The following TENM4 variants were observed in gnomAD, a reference collection of about 807,000 sequenced individuals.
TENM4 encodes the protein teneurin-4.
A neutral mutation model predicts 243.3 loss-of-function variants in TENM4; 82 were observed. That is an observed-to-expected ratio of 0.34 (90% CI 0.28 to 0.40). The LOEUF (loss-of-function observed/expected upper bound fraction) is 0.40. Ranked by LOEUF, TENM4 falls within the 10% of genes least tolerant of loss-of-function variation. The pLI is 1.00. For synonymous variants in TENM4, 1,412 were observed against 1,456.3 expected, an observed-to-expected ratio of 0.97 and a Z score of 0.69; for missense variants, 3,138 against 3,673.3, an observed-to-expected ratio of 0.85 and a Z score of 3.77.
At chr11:78,727,434 CAAA>C (rs397973910) in intron 22 of TENM4, among the ~76,000 whole-genome samples, 4 of 93,346 alleles carry the variant, frequency 4.3e-5, no homozygotes, top group Non-Finnish European at 2.5e-5. Context: ...GACTCCGCCT[CAAA>C]AAAAAAAAAA....
rs530306554 is a variant in TENM4 at position 78,720,395 on chromosome 11, C to T, written c.3801-5G>A. On this transcript the variant is annotated splice_polypyrimidine_tract_variant and splice_region_variant and intron_variant, in intron 24 of 33. Coordinates refer to ENST00000278550, the MANE Select transcript of TENM4 (RefSeq NM_001098816.3). ...CTATGTCTGAAATCTTTATTTCTGA[C>T]AGAAGACAGGAGAGCAGGGAATAGA... is the stretch of plus-strand genomic sequence containing the variant. The T allele has an allele frequency of 1.5e-4, 237 of 1,613,816 alleles. 1 individual carries two copies. In the South Asian group the frequency reaches 2.4e-3, roughly 17 times the overall value.
intron 4 of TENM4, among the ~76,000 whole-genome samples, chr11:79,146,305 A>C (rs1245947125): frequency 6.6e-6 from 1 of 152,130 alleles, no homozygotes; most frequent in Non-Finnish European, 1.5e-5. Context: ...ACTGTGAGCC[A>C]CTGTCTGGAG....
At chr11:78,953,239 T>A (rs2136499638) in intron 6 of TENM4, among the ~76,000 whole-genome samples, 1 of 152,302 alleles carries the variant, frequency 6.6e-6, no homozygotes. Context: ...CTACATGCTA[T>A]GTTTGTTTAG....
intron 4 of TENM4, among the ~76,000 whole-genome samples, chr11:79,103,331 C>T (rs1452244009): frequency 2.0e-5 from 3 of 152,102 alleles, no homozygotes; most frequent in Non-Finnish European, 4.4e-5. Flanking sequence ...AGAAATAACA[C>T]ATTGTTATTG....
intron 2 of TENM4, among the ~76,000 whole-genome samples, chr11:79,233,460 G>A (rs1271590745): frequency 6.6e-6 from 1 of 152,202 alleles, no homozygotes; most frequent in African/African-American, 2.4e-5. Context: ...GGACGGGAAG[G>A]AGGAGGGGAC....
chr11:78,669,814 C>G lies in TENM4; in HGVS notation c.6531G>C (p.Val2177=). The part of the protein sequence containing the change: ...TVQYDNMGRV[V]KKELKVGPYA... The stretch of plus-strand genomic sequence containing the variant: ...AGGGTCCTACCTTCAGCTCCTTCTT[C>G]ACTACTCGCCCCATGTTATCATACT... The change falls in exon 32 of 34, where the codon GTG becomes GTC. Residue 2177 remains valine (V), a synonymous_variant. Transcript: ENST00000278550. This position sits in a 1 kb window ranked among gnomAD's most constrained non-coding sequence, Gnocchi z 6.4. 1 of 1,613,966 alleles carries G rather than the reference C, an allele frequency of 6.2e-7. No individual in the cohort carries two copies. Among genetic ancestry groups the G allele is most frequent in the Non-Finnish European group, 8.5e-7 (1 of 1,179,878 alleles).
chr11:79,040,523 AG>A (rs1166192303), intron 6 of TENM4, among the ~76,000 whole-genome samples: 1 of 152,194 alleles, frequency 6.6e-6, no homozygotes, highest in African/African-American at 2.4e-5. Flanking sequence ...TTACTATTCC[AG>A]GCACCCTGTG....
Position 78,853,799 on chromosome 11 carries a change from T to A in TENM4, c.1681+305A>T, listed in dbSNP as rs1858604216. ...GGGAGAGAAGTGCCAAGAAGAGAGA[T>A]GTTGCCTCTGTGTGGCTTGTCCAGG... On this transcript the variant is annotated intron_variant, in intron 12 of 33. Coordinates refer to ENST00000278550, the MANE Select transcript of TENM4 (RefSeq NM_001098816.3). Among the ~76,000 whole-genome samples the A allele has an allele frequency of 2.6e-5, 4 of 152,288 alleles. No homozygotes were observed. In the South Asian group the frequency reaches 8.3e-4, roughly 32 times the overall value.
chr11:79,172,639 G>T (rs1052952670), intron 3 of TENM4, among the ~76,000 whole-genome samples: 7 of 151,006 alleles, frequency 4.6e-5, no homozygotes, highest in African/African-American at 9.7e-5. Flanking sequence ...ACAACAGCAG[G>T]AGTGTTCTAA....
intron 27 of TENM4, 130 bp from the exon 28 acceptor site, chr11:78,702,533 C>T (rs1262289027): frequency 1.8e-6 from 2 of 1,099,220 alleles, no homozygotes; most frequent in African/African-American, 3.1e-5. Context: ...CTCATGCAGC[C>T]TATCATCAAC....
chr11:79,344,265 G>C lies in TENM4; in HGVS notation c.-320-46722C>G, dbSNP rs140521989. On this transcript the variant is annotated intron_variant, in intron 1 of 33. Coordinates refer to ENST00000278550, the MANE Select transcript of TENM4 (RefSeq NM_001098816.3). ...TCAACCATTACTCACACAGGTGGCA[G>C]AGGGGGTGCTCAAAGCATGAGGCTT... 2.9e-3 allele frequency among the ~76,000 whole-genome samples: 441 copies of C among 152,346 alleles called. 5 individuals are homozygous for C. Among genetic ancestry groups the C allele is most frequent in the African/African-American group, 9.9e-3 (413 of 41,576 alleles).
chr11:79,048,819 GA>G (rs1363609389), intron 6 of TENM4, among the ~76,000 whole-genome samples: 2 of 152,084 alleles, frequency 1.3e-5, no homozygotes, highest in Non-Finnish European at 2.9e-5. Context: ...TTTGCCACTG[GA>G]ACTCCTGAAA....
intron 1 of TENM4, among the ~76,000 whole-genome samples, chr11:79,375,800 G>C (rs1857880013): frequency 6.6e-6 from 1 of 152,162 alleles, no homozygotes; most frequent in Non-Finnish European, 1.5e-5. Flanking sequence ...GGGTCGGAAT[G>C]GGAGTAAGAG....
At chr11:79,307,239 C>T (rs530179471) in intron 1 of TENM4, among the ~76,000 whole-genome samples, 35 of 152,272 alleles carry the variant, frequency 2.3e-4, no homozygotes, top group African/African-American at 7.2e-4. Context: ...ACTAGAAGCA[C>T]GTGTTGTGGT....
intron 3 of TENM4, among the ~76,000 whole-genome samples, chr11:79,182,481 A>G (rs1262066453): frequency 6.6e-6 from 1 of 152,226 alleles, no homozygotes; most frequent in African/African-American, 2.4e-5. Flanking sequence ...CAAGTAAATA[A>G]CATAGGAAAA....
intron 27 of TENM4, among the ~76,000 whole-genome samples, chr11:78,705,229 G>A (rs938178137): frequency 3.9e-5 from 6 of 152,188 alleles, no homozygotes; most frequent in East Asian, 3.8e-4. Context: ...TCTGCCTGTC[G>A]TTATGATGAA....
intron 1 of TENM4, among the ~76,000 whole-genome samples, chr11:79,313,765 G>A (rs963302741): frequency 3.3e-5 from 5 of 152,118 alleles, no homozygotes; most frequent in African/African-American, 9.7e-5. Flanking sequence ...GTTTCCCTCC[G>A]CAAGCAGGCA....
chr11:79,432,445 T>C (rs1226406607), intron 1 of TENM4, among the ~76,000 whole-genome samples: 1 of 152,222 alleles, frequency 6.6e-6, no homozygotes, highest in African/African-American at 2.4e-5. Flanking sequence ...TGGGTTTATT[T>C]AGTAAAAAGC....
chr11:79,179,123 A>C (rs1863231933), intron 3 of TENM4, among the ~76,000 whole-genome samples: 1 of 152,244 alleles, frequency 6.6e-6, no homozygotes, highest in African/African-American at 2.4e-5. Flanking sequence ...ATGATATACT[A>C]TATTTTGTAC....
Sources: gnomAD v4.1 joint callset for allele counts (sites outside exome capture counted in the v4.1 genomes callset) on GRCh38, gnomAD v4.1.1 for gene constraint, Gnocchi (gnomAD v3.1) non-coding constraint, MANE v1.5 for transcripts, NCBI Gene and HGNC (gene_info 2026-07-23, HGNC 2026-07-21) for gene names.